The following CD48 variants were observed in gnomAD, a reference collection of about 807,000 sequenced individuals.
CD48 encodes CD48 antigen.
Under a neutral mutation model 22.0 loss-of-function variants are expected in CD48, and 20 were observed. That is an observed-to-expected ratio of 0.91 (90% CI 0.64 to 1.32). The LOEUF is 1.32. CD48 is among the 40% of genes most tolerant of loss of function. The pLI is 0.00. For synonymous variants in CD48, 110 were observed against 110.1 expected (o/e 1.00, Z 0.01); for missense variants, 307 against 286.5 (o/e 1.07, Z -0.52).
intron 1 of CD48, among the ~76,000 whole-genome samples, chr1:160,707,485 G>A (rs531621733): frequency 1.2e-4 from 19 of 152,198 alleles, no homozygotes; most frequent in Non-Finnish European, 1.3e-4. Context: ...ACTGGGAGGA[G>A]GGACACTTCA....
chr1:160,691,807 G>A, intron 1 of CD48: 1 of 369,000 alleles, frequency 2.7e-6, no homozygotes, highest in Non-Finnish European at 4.8e-6. Context: ...CTCGAGCGTG[G>A]TCATTGAGGA....
chr1:160,710,250 A>G (rs1662908828), intron 1 of CD48, among the ~76,000 whole-genome samples: 1 of 152,226 alleles, frequency 6.6e-6, no homozygotes, highest in South Asian at 2.1e-4. Flanking sequence ...TCTGCAAGAC[A>G]GTATTCTCAT....
At chr1:160,705,127 C>G (rs1662752070) in intron 1 of CD48, among the ~76,000 whole-genome samples, 1 of 152,162 alleles carries the variant, frequency 6.6e-6, no homozygotes, top group Non-Finnish European at 1.5e-5. Flanking sequence ...CATTCTCAAC[C>G]ACTAAAAGAT....
Position 160,681,235 on chromosome 1 carries a change from C to T in CD48, c.619G>A (p.Gly207Ser). ...QVSNSVSSKN[G>S]TVCLSPPCTL... ...CAGGGTGGACTGAGGCAGACCGTGC[C>T]ATTCTTGCTGCTCACAGAATTGCTG... The change falls in exon 3 of 4, where the codon GGC becomes AGC. Residue 207 changes from glycine (G) to serine (S), a missense_variant. Gly to Ser is a moderately conservative substitution (Grantham distance 56, BLOSUM62 0). Coordinates refer to ENST00000368046, the MANE Select transcript of CD48 (RefSeq NM_001778.4). 6.2e-7 allele frequency: 1 copy of T among 1,614,194 alleles called. No individual in the cohort carries two copies. Among genetic ancestry groups the T allele is most frequent in the Non-Finnish European group, 8.5e-7 (1 of 1,180,032 alleles).
chr1:160,692,068 T>G (rs181445008), intron 1 of CD48: 1 of 162,814 alleles, frequency 6.1e-6, no homozygotes, highest in East Asian at 1.6e-4. Flanking sequence ...TCTAGAAGAT[T>G]GGAAAAGAAT....
At chr1:160,703,697 G>C (rs1245884332) in intron 1 of CD48, among the ~76,000 whole-genome samples, 2 of 152,188 alleles carry the variant, frequency 1.3e-5, no homozygotes, top group African/African-American at 4.8e-5. Flanking sequence ...AATAAGGTAA[G>C]GGGAGTCACA....
chr1:160,681,341 G>A lies in CD48; in HGVS notation c.513C>T (p.Pro171=), dbSNP rs772180793. ...CACTGTTCTGGAGCTCCTTTGGGAA[G>A]GGCCTTTTGTCCCCATACCAGGTGT... The part of the protein sequence containing the change: ...VNYTWYGDKR[P]FPKELQNSVL... The change falls in exon 3 of 4, where the codon CCC becomes CCT. Residue 171 remains proline (P), a synonymous_variant. Transcript: ENST00000368046. 4 of 1,614,202 alleles carry A rather than the reference G, an allele frequency of 2.5e-6. No homozygotes were observed. Among genetic ancestry groups the A allele is most frequent in the South Asian group, 1.1e-5 (1 of 91,084 alleles).
At chr1:160,682,798 C>A (rs560142558) in intron 2 of CD48, among the ~76,000 whole-genome samples, 1 of 152,180 alleles carries the variant, frequency 6.6e-6, no homozygotes, top group Non-Finnish European at 1.5e-5. Flanking sequence ...GTACTGCTGC[C>A]GGAGAGAATG....
At chr1:160,682,646 C>A (rs1181586465) in intron 2 of CD48, among the ~76,000 whole-genome samples, 1 of 152,094 alleles carries the variant, frequency 6.6e-6, no homozygotes, top group Non-Finnish European at 1.5e-5. Flanking sequence ...AGGTAGTTAA[C>A]CCCCTTGCTG....
chr1:160,710,116 A>G (rs917273963), intron 1 of CD48, among the ~76,000 whole-genome samples: 4 of 152,334 alleles, frequency 2.6e-5, no homozygotes, highest in African/African-American at 9.6e-5. Context: ...AAACAGTAAA[A>G]TTAAGAGATT....
intron 1 of CD48, among the ~76,000 whole-genome samples, chr1:160,693,871 C>A (rs571181360): frequency 8.3e-4 from 127 of 152,410 alleles, no homozygotes; most frequent in Middle Eastern, 6.8e-3. Context: ...CAACAACCCC[C>A]ACTGTCCCAA....
intron 1 of CD48, among the ~76,000 whole-genome samples, chr1:160,706,617 A>G (rs1412289176): frequency 6.6e-6 from 1 of 152,204 alleles, no homozygotes; most frequent in South Asian, 2.1e-4. Context: ...TTTTGATTTA[A>G]TTCTAACAGG....
In CD48 at chr1:160,684,964, T is replaced by A. The variant is rs1450436970; in HGVS notation, c.308A>T (p.Asp103Val). The A allele has an allele frequency of 6.2e-7, 1 of 1,614,060 alleles. No individual in the cohort carries two copies. The highest frequency in any genetic ancestry group is 8.5e-7 in the Non-Finnish European group (1 of 1,180,030). The change falls in exon 2 of 4, where the codon GAC becomes GTC. Residue 103 changes from aspartate (D) to valine (V), a missense_variant. Transcript: ENST00000368046. ...ALYISKVQKEDNSTYIMRVLK... is the reference protein window; with the variant it reads ...ALYISKVQKEVNSTYIMRVLK... The stretch of plus-strand genomic sequence containing the variant: ...CACCCTCATGATGTAGGTGCTGTTG[T>A]CCTCTTTCTGGACCTTAGAGATGTA...
intron 1 of CD48, among the ~76,000 whole-genome samples, chr1:160,706,092 T>A (rs1456713473): frequency 6.6e-6 from 1 of 151,706 alleles, no homozygotes; most frequent in African/African-American, 2.4e-5. Context: ...TATAATTTTT[T>A]TTATGGAGTT....
intron 1 of CD48, among the ~76,000 whole-genome samples, chr1:160,703,473 G>C (rs1268471665): frequency 6.6e-6 from 1 of 152,170 alleles, no homozygotes; most frequent in East Asian, 1.9e-4. Context: ...AGAATGATAG[G>C]TAAAGTGTAG....
chr1:160,680,351 G>A (rs3766367), intron 3 of CD48: 8,277 of 155,508 alleles, frequency 0.053, 597 homozygotes, highest in East Asian at 0.36. Flanking sequence ...TTTAGCTCCC[G>A]CTTACTAAGG....
At chr1:160,680,768 G>A in intron 3 of CD48, 1 of 1,071,376 alleles carries the variant, frequency 9.3e-7, no homozygotes, top group Non-Finnish European at 1.1e-6. Flanking sequence ...GGCTGACTTT[G>A]GCGGTCTAAT....
chr1:160,681,246 C>T lies in CD48; in HGVS notation c.608G>A (p.Ser203Asn), dbSNP rs1661791073. ...CYTCQVSNSVSSKNGTVCLSP... is the reference protein window; with the variant it reads ...CYTCQVSNSVNSKNGTVCLSP... ...GAGGCAGACCGTGCCATTCTTGCTG[C>T]TCACAGAATTGCTGACTTGGCAAGT... is the stretch of plus-strand genomic sequence containing the variant. The change falls in exon 3 of 4, where the codon AGC (serine) becomes AAC (asparagine). Residue 203 changes from serine to asparagine, a missense_variant. Coordinates refer to ENST00000368046, the MANE Select transcript of CD48 (RefSeq NM_001778.4). The T allele has an allele frequency of 6.2e-7, 1 of 1,614,202 alleles. No homozygotes were observed. Among genetic ancestry groups the T allele is most frequent in the South Asian group, 1.1e-5 (1 of 91,090 alleles).
At chr1:160,681,002 GC>G (rs3835477) in intron 3 of CD48, 199 bp downstream of exon 3, 1,193,112 of 1,452,612 alleles carry the variant, frequency 0.82, 492,059 homozygotes, top group South Asian at 0.87. Context: ...AGAACACTGA[GC>G]CCCCACGAAG....
Sources: allele counts gnomAD v4.1 joint callset (sites outside exome capture counted in the v4.1 genomes callset), GRCh38; gene constraint gnomAD v4.1.1; transcripts MANE v1.5; gene names NCBI Gene and HGNC (gene_info 2026-07-23, HGNC 2026-07-21).